The following GNA13 variants were observed in gnomAD, a reference collection of about 807,000 sequenced individuals.
The protein encoded by GNA13 is G protein subunit alpha 13.
In GNA13, 4 loss-of-function variants were observed where a neutral mutation model predicts 33.5. The ratio of observed to expected loss-of-function variants is 0.12; its 90% CI spans 0.06 to 0.27. GNA13 has a LOEUF of 0.27. GNA13 is among the 10% of genes least tolerant of loss of function. The probability of loss-of-function intolerance (pLI) is 1.00; values close to 1 mark genes in which losing one functional copy is unlikely to be tolerated. For synonymous variants in GNA13, 176 were observed against 183.8 expected (o/e 0.96, Z 0.34); for missense variants, 319 against 487.2 (o/e 0.65, Z 3.25).
At chr17:65,046,725 G>A (rs9902769) in intron 2 of GNA13, among the ~76,000 whole-genome samples, 150,695 of 152,336 alleles carry the variant, frequency 0.99, 74,553 homozygotes, top group Middle Eastern at 1. Context: ...TTAGGTCCAC[G>A]CTCTAGGTAA....
rs1299502260 is a variant in GNA13, at chr17:65,012,749, GTACACAGTCAGC to G, written c.*1496_*1507del. ...TTTCAAGGACCAATAAAATACCTGA[GTACACAGTCAGC>G]TATACAGTAAAATGACAGATATCAC... On this transcript the variant is annotated 3_prime_UTR_variant, in exon 4 of 4. Transcript: ENST00000439174. The G allele has an allele frequency of 4.5e-6, 1 of 223,560 alleles. No individual in the cohort carries two copies. Among genetic ancestry groups the G allele is most frequent in the Non-Finnish European group, 8.9e-6 (1 of 112,064 alleles). The allele number at this position is 223,560 out of a possible 1,614,324, so 13.8% of individuals were successfully genotyped here.
At chr17:65,054,704 T>A (rs1056468807) in intron 1 of GNA13, among the ~76,000 whole-genome samples, 2 of 152,206 alleles carry the variant, frequency 1.3e-5, no homozygotes, top group African/African-American at 2.4e-5. Flanking sequence ...TCAACGTAGA[T>A]CACACTTACA....
intron 2 of GNA13, among the ~76,000 whole-genome samples, chr17:65,040,268 C>T (rs1357231088): frequency 6.6e-5 from 10 of 152,160 alleles, no homozygotes; most frequent in Non-Finnish European, 1.3e-4. Flanking sequence ...TATAATTCTC[C>T]TTGTTCTAGT....
rs550129612 is a variant in GNA13 at position 65,021,984 on chromosome 17, G to A, written c.511-3681C>T. Reference sequence around the variant, plus strand: ...AATTACTATTATGGCAGAAGGAAGAGCTGGTTGAGAGCAAATGGATTGCTC... The same window carrying A: ...AATTACTATTATGGCAGAAGGAAGAACTGGTTGAGAGCAAATGGATTGCTC... On this transcript the variant is annotated intron_variant, in intron 2 of 3. Coordinates refer to ENST00000439174, the MANE Select transcript of GNA13 (RefSeq NM_006572.6). Among the ~76,000 whole-genome samples the A allele has an allele frequency of 3.3e-5, 5 of 152,298 alleles. No homozygotes were observed. The East Asian group carries it at 9.6e-4, about 29-fold the overall frequency.
At chr17:65,037,253 A>G (rs556872372) in intron 2 of GNA13, among the ~76,000 whole-genome samples, 68 of 152,362 alleles carry the variant, frequency 4.5e-4, no homozygotes, top group African/African-American at 1.6e-3. Context: ...AACTTTAAAA[A>G]GGTCAGAAAA....
intron 1 of GNA13, 60 bp downstream of exon 1, chr17:65,056,251 A>ACCCCCCCCCCCCCCCCCCCCCCAG: frequency 1.4e-6 from 1 of 740,726 alleles, no homozygotes; most frequent in Non-Finnish European, 2.1e-6. Context: ...CCCGCCCCGC[A>ACCCCCCCCCCCCCCCCCCCCCCAG]CCCGCCGCCG....
intron 2 of GNA13, among the ~76,000 whole-genome samples, chr17:65,041,441 T>C (rs1043447689): frequency 6.6e-6 from 1 of 152,162 alleles, no homozygotes; most frequent in Non-Finnish European, 1.5e-5. Flanking sequence ...CTAGACTTTT[T>C]AGTTGGTTTT....
chr17:65,010,727 A>C lies in GNA13; in HGVS notation c.*3530T>G, dbSNP rs1471366953. ...AATGGTAACAGAGTGACTTTCTCTA[A>C]ATTTATTAGGGAGTTTGTTACAAAT... is the stretch of plus-strand genomic sequence containing the variant. On this transcript the variant is annotated 3_prime_UTR_variant, in exon 4 of 4. Transcript: ENST00000439174. 4 of 209,080 alleles carry C rather than the reference A, an allele frequency of 1.9e-5. No homozygotes were observed. Among genetic ancestry groups the C allele is most frequent in the Non-Finnish European group, 3.9e-5 (4 of 102,752 alleles). The allele number at this position is 209,080 out of a possible 1,614,324, so 13.0% of individuals were successfully genotyped here.
intron 2 of GNA13, among the ~76,000 whole-genome samples, chr17:65,031,903 A>AAAGG (rs1292651682): frequency 1.4e-5 from 2 of 140,024 alleles, no homozygotes; most frequent in African/African-American, 6.2e-5. Context: ...AGAAAGAGAG[A>AAAGG]GAGAGAGAGA....
chr17:65,040,694 T>A, intron 2 of GNA13, among the ~76,000 whole-genome samples: 2 of 152,164 alleles, frequency 1.3e-5, no homozygotes, highest in East Asian at 3.8e-4. Context: ...GGTTTCACCA[T>A]CTTCGCCAGG....
At position 65,009,604 on chromosome 17, in the gene GNA13, A is replaced by G. The variant is rs139219658; in HGVS notation, c.*4653T>C. Among the ~76,000 whole-genome samples the G allele has an allele frequency of 1.5e-3, 229 of 152,332 alleles. No individual in the cohort carries two copies. The highest frequency in any genetic ancestry group is 5.4e-3 in the African/African-American group (224 of 41,586). On this transcript the variant is annotated 3_prime_UTR_variant, in exon 4 of 4. Transcript: ENST00000439174. ...ACAAATATTTTATAGAGCTAATACG[A>G]GTCATGTTTTGTTAGGTACAGTATC...
At chr17:65,019,459 C>A (rs1906504063) in intron 2 of GNA13, among the ~76,000 whole-genome samples, 1 of 152,146 alleles carries the variant, frequency 6.6e-6, no homozygotes, top group Non-Finnish European at 1.5e-5. Context: ...AAATGTGATA[C>A]ACATACAGAA....
intron 2 of GNA13, among the ~76,000 whole-genome samples, chr17:65,043,358 G>A (rs562034569): frequency 1.4e-4 from 21 of 151,956 alleles, no homozygotes; most frequent in African/African-American, 4.8e-4. Context: ...TGCAATCTCA[G>A]GTCACTGCAA....
At chr17:65,034,567 G>A (rs1252572707) in intron 2 of GNA13, among the ~76,000 whole-genome samples, 1 of 151,864 alleles carries the variant, frequency 6.6e-6, no homozygotes, top group African/African-American at 2.4e-5. Context: ...CAAAGTGCTG[G>A]GATTAAAGGT....
chr17:65,040,531 A>G (rs959146545), intron 2 of GNA13, among the ~76,000 whole-genome samples: 6 of 152,090 alleles, frequency 3.9e-5, no homozygotes, highest in African/African-American at 1.2e-4. Context: ...TTTGAGACGG[A>G]GTCTTGCTCT....
In GNA13 at chr17:65,019,242, C is replaced by T. The variant is rs149502223; in HGVS notation, c.511-939G>A. ...TGGGACCACACTTTGAGTCACAAAG[C>T]TTGAAAGTAGCAGTTCTATAATTTT... On this transcript the variant is annotated intron_variant, in intron 2 of 3. Coordinates refer to ENST00000439174, the MANE Select transcript of GNA13 (RefSeq NM_006572.6). Among the ~76,000 whole-genome samples the T allele has an allele frequency of 2.2e-3, 329 of 152,258 alleles. 1 individual carries two copies. The highest frequency in any genetic ancestry group is 7.7e-3 in the African/African-American group (318 of 41,538).
At position 65,014,079 on chromosome 17, in the gene GNA13, ACTCAACAG is replaced by A. The variant is rs1906281446; in HGVS notation, c.*170_*177del. 1 of 573,154 alleles carries A rather than the reference ACTCAACAG, an allele frequency of 1.7e-6. No homozygotes were observed. The highest frequency in any genetic ancestry group is 3.1e-6 in the Non-Finnish European group (1 of 323,566). The allele number at this position is 573,154 out of a possible 1,614,324, so 35.5% of individuals were successfully genotyped here. ...TTACAGCAAATCTTGGCGATGAGTC[ACTCAACAG>A]CTTTCAGCCACAAACCAAAGGCCGC... is the stretch of plus-strand genomic sequence containing the variant. On this transcript the variant is annotated 3_prime_UTR_variant, in exon 4 of 4. Transcript: ENST00000439174. This position sits in a 1 kb window ranked among gnomAD's most constrained non-coding sequence, Gnocchi z 5.3.
At chr17:65,050,964 G>T (rs1721897189) in intron 2 of GNA13, among the ~76,000 whole-genome samples, 1 of 152,084 alleles carries the variant, frequency 6.6e-6, no homozygotes, top group Admixed American at 6.5e-5. Context: ...ATCCTGAGTG[G>T]TTTTACCTAT....
Position 65,047,468 on chromosome 17 carries a change from A to C in GNA13, c.510+6034T>G, listed in dbSNP as rs1598499330. Among the ~76,000 whole-genome samples, 3 of 152,322 alleles carry C rather than the reference A, an allele frequency of 2.0e-5. No homozygotes were observed. The East Asian group carries it at 5.8e-4, about 29-fold the overall frequency. Reference sequence around the variant, plus strand: ...TAATCTTTATTTTAGATGGGATGAAATATTTAACACTAATCCTAGAATCAA... The same window carrying C: ...TAATCTTTATTTTAGATGGGATGAACTATTTAACACTAATCCTAGAATCAA... On this transcript the variant is annotated intron_variant, in intron 2 of 3. Coordinates refer to ENST00000439174, the MANE Select transcript of GNA13 (RefSeq NM_006572.6).
Sources: gnomAD v4.1 joint callset for allele counts (sites outside exome capture counted in the v4.1 genomes callset) on GRCh38, gnomAD v4.1.1 for gene constraint, Gnocchi (gnomAD v3.1) non-coding constraint, MANE v1.5 for transcripts, NCBI Gene and HGNC (gene_info 2026-07-23, HGNC 2026-07-21) for gene names.